The following MYG1 variants were observed in gnomAD, a reference collection of about 807,000 sequenced individuals.
MYG1 encodes the protein MYG1 exonuclease, also known as UPF0160 protein MYG1, mitochondrial.
MYG1 carries 36 observed loss-of-function variants against 43.5 expected under a neutral mutation model. The ratio of observed to expected loss-of-function variants is 0.83; its 90% CI spans 0.63 to 1.09. The LOEUF is 1.09. Ranked by LOEUF, MYG1 falls within the 50% of genes least tolerant of loss-of-function variation. MYG1 has a pLI of 0.00. For missense variants in MYG1, 529 were observed against 495.1 expected (o/e 1.07, Z -0.65); for synonymous variants, 220 against 202.8 (o/e 1.08, Z -0.72).
Position 53,299,766 on chromosome 12 carries a change from T to A in MYG1, c.29T>A (p.Leu10Ter), listed in dbSNP as rs1159340945. The change falls in exon 1 of 7, where the codon TTA (leucine) becomes TAA (stop). Residue 10 changes from leucine to a stop codon, truncating the protein, a stop_gained. Coordinates refer to ENST00000267103, the MANE Select transcript of MYG1 (RefSeq NM_021640.4). LOFTEE classifies it high-confidence loss of function. MGHQFLRGL[L>*]TLLLPPPPLY... is the part of the protein sequence containing the mutation. ...GGACACCAATTCCTGCGCGGCCTCT[T>A]AACGCTGCTGCTGCCGCCGCCACCC... is the stretch of plus-strand genomic sequence containing the variant. 1.2e-6 allele frequency: 2 copies of A among 1,613,828 alleles called. No homozygotes were observed. Among genetic ancestry groups the A allele is most frequent in the East Asian group, 4.5e-5 (2 of 44,840 alleles).
rs757068780 is a variant in MYG1, at chr12:53,299,727, G to C, written c.-11G>C. The C allele has an allele frequency of 3.1e-6, 5 of 1,608,412 alleles. No homozygotes were observed. The highest frequency in any genetic ancestry group is 1.7e-5 in the Admixed American group (1 of 59,396). On this transcript the variant is annotated 5_prime_UTR_variant, in exon 1 of 7. Coordinates refer to ENST00000267103, the MANE Select transcript of MYG1 (RefSeq NM_021640.4). ...GGGTCGGCGCTCCTGCCTCCCTGCAGGGAGCTGCTTATGGGACACCAATTC... is the reference window on the plus strand; with the variant it reads ...GGGTCGGCGCTCCTGCCTCCCTGCACGGAGCTGCTTATGGGACACCAATTC...
chr12:53,299,771 C>A lies in MYG1; in HGVS notation c.34C>A (p.Leu12Met), dbSNP rs199609884. The change falls in exon 1 of 7, where the codon CTG becomes ATG. Residue 12 changes from leucine to methionine, a missense_variant. Leu to Met is a conservative substitution (Grantham distance 15, BLOSUM62 2). Coordinates refer to ENST00000267103, the MANE Select transcript of MYG1 (RefSeq NM_021640.4). Reference sequence around the variant, plus strand: ...CCAATTCCTGCGCGGCCTCTTAACGCTGCTGCTGCCGCCGCCACCCCTGTA... The same window carrying A: ...CCAATTCCTGCGCGGCCTCTTAACGATGCTGCTGCCGCCGCCACCCCTGTA... ...GHQFLRGLLTLLLPPPPLYTR... is the reference protein window; with the variant it reads ...GHQFLRGLLTMLLPPPPLYTR... 1 of 1,612,362 alleles carries A rather than the reference C, an allele frequency of 6.2e-7. No individual in the cohort carries two copies. The highest frequency in any genetic ancestry group is 1.3e-5 in the African/African-American group (1 of 74,894).
rs1565773608 is a variant in MYG1, at chr12:53,303,196, G to A, written c.489+3G>A. On this transcript the variant is annotated splice_donor_region_variant and intron_variant, in intron 3 of 6. Coordinates refer to ENST00000267103, the MANE Select transcript of MYG1 (RefSeq NM_021640.4). ...TGGTGGGCACCCTCTATGACAAGGT[G>A]GGGACCTGAGGACAGAGATGCCCCC... is the stretch of plus-strand genomic sequence containing the variant. 6.2e-7 allele frequency: 1 copy of A among 1,612,808 alleles called. No homozygotes were observed. Among genetic ancestry groups the A allele is most frequent in the Non-Finnish European group, 8.5e-7 (1 of 1,179,302 alleles).
chr12:53,301,032 G>A (rs1190810188), intron 2 of MYG1, among the ~76,000 whole-genome samples: 2 of 150,608 alleles, frequency 1.3e-5, no homozygotes, highest in Non-Finnish European at 2.9e-5. Flanking sequence ...CGATTCTCCT[G>A]TCTCAGCCTC....
chr12:53,304,916 T>G (rs1471388748), intron 3 of MYG1, among the ~76,000 whole-genome samples: 1 of 140,042 alleles, frequency 7.1e-6, no homozygotes, highest in East Asian at 2.2e-4. Flanking sequence ...TCGCCCAGGC[T>G]GGAGTGCAGT....
In MYG1 at chr12:53,306,065, G is replaced by A. The variant is rs1208005640; in HGVS notation, c.642+5G>A. 6.2e-7 allele frequency: 1 copy of A among 1,612,008 alleles called. No homozygotes were observed. The highest frequency in any genetic ancestry group is 8.5e-7 in the Non-Finnish European group (1 of 1,179,002). On this transcript the variant is annotated splice_donor_5th_base_variant and intron_variant, in intron 4 of 6. Coordinates refer to ENST00000267103, the MANE Select transcript of MYG1 (RefSeq NM_021640.4). Reference sequence around the variant, plus strand: ...CACCCCGACCAAGACACTGAGGTAAGGTGGCCTGGGAGGAGACCCGGAGAC... The same window carrying A: ...CACCCCGACCAAGACACTGAGGTAAAGTGGCCTGGGAGGAGACCCGGAGAC...
intron 2 of MYG1, among the ~76,000 whole-genome samples, chr12:53,301,337 C>G (rs1944231054): frequency 6.6e-6 from 1 of 152,164 alleles, no homozygotes; most frequent in African/African-American, 2.4e-5. Flanking sequence ...ACAAAACCCT[C>G]CCTCAATTAT....
chr12:53,299,999 T>C (rs1232089680), intron 1 of MYG1, 46 bp downstream of exon 1: 1 of 1,602,318 alleles, frequency 6.2e-7, no homozygotes, highest in Admixed American at 1.7e-5. Flanking sequence ...CATGCATGCC[T>C]CCGGGGTGGA....
intron 2 of MYG1, among the ~76,000 whole-genome samples, chr12:53,302,553 C>G (rs1298652249): frequency 6.6e-6 from 1 of 152,174 alleles, no homozygotes. Context: ...CCAATGACTT[C>G]GATTACCCAC....
chr12:53,305,315 G>A (rs1051278074), intron 3 of MYG1, among the ~76,000 whole-genome samples: 2 of 152,080 alleles, frequency 1.3e-5, no homozygotes, highest in Admixed American at 1.3e-4. Flanking sequence ...GGGTAATTTT[G>A]CATAAAGTTT....
intron 3 of MYG1, 52 bp downstream of exon 3, chr12:53,303,245 C>T: frequency 6.3e-7 from 1 of 1,589,010 alleles, no homozygotes; most frequent in Non-Finnish European, 8.6e-7. Flanking sequence ...AGCAGGCCGC[C>T]TGGGAGCAGT....
At chr12:53,306,612 G>GT in intron 5 of MYG1, 68 bp from the exon 6 acceptor site, 3 of 1,512,278 alleles carry the variant, frequency 2.0e-6, no homozygotes, top group Non-Finnish European at 2.7e-6. Context: ...CCAAAATGTT[G>GT]TGACTACAAA....
At chr12:53,301,443 T>C (rs1944232081) in intron 2 of MYG1, among the ~76,000 whole-genome samples, 1 of 152,200 alleles carries the variant, frequency 6.6e-6, no homozygotes, top group Admixed American at 6.5e-5. Flanking sequence ...TTATAAATGA[T>C]GTCAGGAAGA....
chr12:53,306,952 C>A lies in MYG1; in HGVS notation c.948-14C>A, dbSNP rs1425783215. ...CCAACTCTGACCCCTGCTGTACTCC[C>A]TCTTTCTGCCCAGGCTGCCCCTGCC... On this transcript the variant is annotated splice_polypyrimidine_tract_variant and intron_variant, in intron 6 of 6. Transcript: ENST00000267103. The A allele has an allele frequency of 6.2e-7, 1 of 1,612,186 alleles. No homozygotes were observed. Among genetic ancestry groups the A allele is most frequent in the Non-Finnish European group, 8.5e-7 (1 of 1,178,914 alleles).
intron 2 of MYG1, 149 bp downstream of exon 2, chr12:53,300,411 C>T (rs1353340261): frequency 1.7e-6 from 1 of 600,082 alleles, no homozygotes; most frequent in Non-Finnish European, 2.8e-6. Flanking sequence ...ATCATCCTTC[C>T]GGCCCTGCCT....
Position 53,306,299 on chromosome 12 carries a change from G to A in MYG1, c.744G>A (p.Glu248=), listed in dbSNP as rs1176185676. ...SWLPARALVE[E]ALAQRFQVDP... ...TGCCAGCCCGGGCCTTGGTGGAAGA[G>A]GCCCTTGCCCAGCGATTCCAGGTAT... The change falls in exon 5 of 7, where the codon GAG becomes GAA. Residue 248 remains glutamate (E), a synonymous_variant. Coordinates refer to ENST00000267103, the MANE Select transcript of MYG1 (RefSeq NM_021640.4). The A allele has an allele frequency of 1.2e-6, 2 of 1,614,076 alleles. No homozygotes were observed. Among genetic ancestry groups the A allele is most frequent in the Non-Finnish European group, 1.7e-6 (2 of 1,180,022 alleles).
intron 5 of MYG1, 30 bp from the exon 6 acceptor site, chr12:53,306,648 TAA>T: frequency 6.3e-7 from 1 of 1,595,960 alleles, no homozygotes; most frequent in Non-Finnish European, 8.5e-7. Context: ...CAGCCTACCT[TAA>T]ACCTTCTAGC....
rs1307339070 is a variant in MYG1, at chr12:53,306,736, G to A, written c.822G>A (p.Glu274=). Residue 274 remains glutamate, a synonymous_variant, in exon 6 of 7, where the codon GAG becomes GAA. Coordinates refer to ENST00000267103, the MANE Select transcript of MYG1 (RefSeq NM_021640.4). Reference sequence around the variant, plus strand: ...CGAAAGGTGCATGTCCCTGGAAGGAGCATCTCTACCACCTGGAATCTGGGC... The same window carrying A: ...CGAAAGGTGCATGTCCCTGGAAGGAACATCTCTACCACCTGGAATCTGGGC... ...ELAKGACPWK[E]HLYHLESGLS... is the part of the protein sequence containing the mutation. 4 of 1,614,106 alleles carry A rather than the reference G, an allele frequency of 2.5e-6. No individual in the cohort carries two copies. The African/African-American group carries it at 4.0e-5, about 16-fold the overall frequency.
At chr12:53,302,927 A>C in intron 2 of MYG1, 107 bp from the exon 3 acceptor site, 1 of 1,288,060 alleles carries the variant, frequency 7.8e-7, no homozygotes, top group Admixed American at 2.4e-5. Flanking sequence ...ATGTCTAATA[A>C]AACATAAAAT....
Sources: gnomAD v4.1 joint callset for allele counts (sites outside exome capture counted in the v4.1 genomes callset) on GRCh38, gnomAD v4.1.1 for gene constraint, MANE v1.5 for transcripts, NCBI Gene and HGNC (gene_info 2026-07-23, HGNC 2026-07-21) for gene names.